BCL7C: variants seen among roughly 807,000 people sequenced by gnomAD.
The protein encoded by BCL7C is BAF chromatin remodeling complex subunit BCL7C.
BCL7C carries 8 observed loss-of-function variants against 26.2 expected under a neutral mutation model. The ratio of observed to expected loss-of-function variants is 0.30; its 90% CI spans 0.18 to 0.55. The LOEUF (loss-of-function observed/expected upper bound fraction) is 0.55, where lower values mean the gene tolerates loss of function less well. Among genes scored for constraint, BCL7C ranks in the 20% least tolerant of loss-of-function variants. The pLI is 0.93. For synonymous variants in BCL7C, 90 were observed against 116.5 expected (o/e 0.77, Z 1.47); for missense variants, 262 against 298.5 (o/e 0.88, Z 0.90).
chr16:30,887,171 T>TA (rs2055145888), downstream of BCL7C, among the ~76,000 whole-genome samples: 1 of 152,046 alleles, frequency 6.6e-6, no homozygotes, highest in South Asian at 2.1e-4. Context: ...TAGCCGGGCG[T>TA]GGTGGCAGGC....
Position 30,893,154 on chromosome 16 carries a change from GAGGAACTTGCCTGAGGTTGCAC to G in BCL7C, c.171+36_171+57del, listed in dbSNP as rs2055282270. ...AGCTGGAGGTAGAGGTCAGCGTGGG[GAGGAACTTGCCTGAGGTTGCAC>G]AGATGCAGGGCCTTGTGGGAATGGG... On this transcript the variant is annotated intron_variant, in intron 2 of 5. Coordinates refer to ENST00000215115, the MANE Select transcript of BCL7C (RefSeq NM_004765.4). This position sits in a 1 kb window ranked among gnomAD's most constrained non-coding sequence, Gnocchi z 5.2. 2 of 1,552,730 alleles carry G rather than the reference GAGGAACTTGCCTGAGGTTGCAC, an allele frequency of 1.3e-6. No individual in the cohort carries two copies.
intron 5 of BCL7C, among the ~76,000 whole-genome samples, chr16:30,868,129 G>GGT (rs1555481092): frequency 6.8e-5 from 9 of 131,642 alleles, no homozygotes; most frequent in Non-Finnish European, 1.1e-4. Context: ...AAATCTGTGG[G>GGT]TTTTTTTTTT....
chr16:30,842,984 T>C (rs1428338213), intron 5 of BCL7C, among the ~76,000 whole-genome samples: 2 of 152,182 alleles, frequency 1.3e-5, no homozygotes, highest in East Asian at 1.9e-4. Flanking sequence ...TTGAAGTCTG[T>C]TTTTTAAAAA....
At position 30,838,978 on chromosome 16, in the gene BCL7C, A is replaced by G. The variant is rs532684148; in HGVS notation, c.529-3830T>C. Among the ~76,000 whole-genome samples the G allele has an allele frequency of 6.6e-5, 10 of 152,318 alleles. No individual in the cohort carries two copies. In the South Asian group the frequency reaches 1.7e-3, roughly 25 times the overall value. ...AAGATTCTGGGAAAAAAATGTCTCT[A>G]TGACAATAGCCAGGGTGGGCAAGTG... On this transcript the variant is annotated intron_variant, in intron 5 of 5. Coordinates refer to the BCL7C transcript ENST00000380317.
chr16:30,886,800 G>T (rs1026491596), downstream of BCL7C, among the ~76,000 whole-genome samples: 17 of 152,310 alleles, frequency 1.1e-4, no homozygotes, highest in African/African-American at 4.1e-4. Flanking sequence ...CCAGGTGGAG[G>T]AGTGGCTTCT....
chr16:30,891,860 A>G (rs972694545), intron 4 of BCL7C, among the ~76,000 whole-genome samples: 7 of 151,486 alleles, frequency 4.6e-5, no homozygotes, highest in Non-Finnish European at 2.9e-5. Flanking sequence ...GCTATTTGGG[A>G]GGCTGGGGCC....
At chr16:30,861,857 C>CTTTT (rs35135586) in intron 5 of BCL7C, among the ~76,000 whole-genome samples, 18 of 68,830 alleles carry the variant, frequency 2.6e-4, no homozygotes, top group Non-Finnish European at 3.4e-4. Context: ...GGACAACATG[C>CTTTT]TTTTTTTTTT....
intron 5 of BCL7C, among the ~76,000 whole-genome samples, chr16:30,845,365 G>A (rs1014632757): frequency 2.0e-5 from 3 of 152,170 alleles, no homozygotes; most frequent in Non-Finnish European, 2.9e-5. Flanking sequence ...CTGGGCTCTC[G>A]CTGAGTCTGC....
intron 5 of BCL7C, among the ~76,000 whole-genome samples, chr16:30,866,934 G>C (rs1161103337): frequency 2.0e-5 from 3 of 152,106 alleles, no homozygotes. Flanking sequence ...CACACCTGTA[G>C]TCCCAACTAT....
chr16:30,888,015 T>G, intron 5 of BCL7C, 25 bp from the exon 6 acceptor site: 1 of 1,594,012 alleles, frequency 6.3e-7, no homozygotes, highest in East Asian at 2.3e-5. Flanking sequence ...TGGACAGGCG[T>G]GAGCTCCACA....
chr16:30,845,991 G>A (rs559367336), intron 5 of BCL7C, among the ~76,000 whole-genome samples: 1 of 150,854 alleles, frequency 6.6e-6, no homozygotes, highest in South Asian at 2.1e-4. Context: ...TGTAGTCCCA[G>A]CTACTCCGGA....
intron 5 of BCL7C, among the ~76,000 whole-genome samples, chr16:30,879,689 C>CAAAAAAAAAAAAAAA (rs1187827463): frequency 0.025 from 729 of 29,352 alleles, 237 homozygotes; most frequent in African/African-American, 0.05. Flanking sequence ...CCCTTCTCTA[C>CAAAAAAAAAAAAAAA]AAAAAAAAAA....
chr16:30,854,517 A>C (rs1194138954), intron 5 of BCL7C, among the ~76,000 whole-genome samples: 1 of 152,096 alleles, frequency 6.6e-6, no homozygotes, highest in East Asian at 1.9e-4. Flanking sequence ...AAAGCGTTGA[A>C]ACCTGGCATT....
chr16:30,888,853 C>T lies in BCL7C; in HGVS notation c.528+7G>A. The T allele has an allele frequency of 6.2e-7, 1 of 1,613,994 alleles. No homozygotes were observed. The highest frequency in any genetic ancestry group is 8.5e-7 in the Non-Finnish European group (1 of 1,179,880). On this transcript the variant is annotated splice_region_variant and intron_variant, in intron 5 of 5. Coordinates refer to ENST00000215115, the MANE Select transcript of BCL7C (RefSeq NM_004765.4). The stretch of plus-strand genomic sequence containing the variant: ...ACCCAGGAGTCCAGCCTTCTGGCCT[C>T]TCTCACCTCAGCTTCCAGCAGTTCT...
intron 5 of BCL7C, among the ~76,000 whole-genome samples, chr16:30,869,489 G>A (rs1003043121): frequency 6.8e-6 from 1 of 147,478 alleles, no homozygotes; most frequent in African/African-American, 2.5e-5. Context: ...ACAGGTGTGA[G>A]CCACCACGCC....
intron 5 of BCL7C, among the ~76,000 whole-genome samples, chr16:30,871,080 G>T (rs2143023333): frequency 6.6e-6 from 1 of 152,280 alleles, no homozygotes; most frequent in African/African-American, 2.4e-5. Flanking sequence ...TCACCAGAGG[G>T]GCCAGAACTG....
chr16:30,865,727 CTTTT>C (rs11333293), intron 5 of BCL7C, among the ~76,000 whole-genome samples: 6 of 66,708 alleles, frequency 9.0e-5, no homozygotes, highest in Admixed American at 1.6e-4. Context: ...CTTTTTTTTT[CTTTT>C]TTTTTTTTTT....
chr16:30,885,319 G>A (rs193242327), downstream of BCL7C, among the ~76,000 whole-genome samples: 1 of 152,278 alleles, frequency 6.6e-6, no homozygotes, highest in Admixed American at 6.5e-5. Context: ...ATCCTCCTCT[G>A]GAGGGAACTA....
chr16:30,863,207 A>AT (rs1440048248), intron 5 of BCL7C, among the ~76,000 whole-genome samples: 1 of 152,120 alleles, frequency 6.6e-6, no homozygotes, highest in Non-Finnish European at 1.5e-5. Flanking sequence ...ACCAGGCCTA[A>AT]TCGCCACTCA....
Sources: gnomAD v4.1 joint callset for allele counts (sites outside exome capture counted in the v4.1 genomes callset) on GRCh38, gnomAD v4.1.1 for gene constraint, Gnocchi (gnomAD v3.1) non-coding constraint, MANE v1.5 for transcripts, NCBI Gene and HGNC (gene_info 2026-07-23, HGNC 2026-07-21) for gene names.